Variants in FMN2 observed in about 807,000 individuals in gnomAD.
The protein encoded by FMN2 is formin-2.
FMN2 carries 51 observed loss-of-function variants against 142.3 expected under a neutral mutation model. That is an observed-to-expected ratio of 0.36 (90% CI 0.29 to 0.45). The LOEUF (loss-of-function observed/expected upper bound fraction) is 0.45, where lower values mean the gene tolerates loss of function less well. Ranked by LOEUF, FMN2 falls within the 20% of genes least tolerant of loss-of-function variation. FMN2 has a pLI of 1.00. For synonymous variants in FMN2, 882 were observed against 869.8 expected, an observed-to-expected ratio of 1.01 and a Z score of -0.25; for missense variants, 1,936 against 2,122.8, an observed-to-expected ratio of 0.91 and a Z score of 1.73.
At chr1:240,200,283 T>C (rs542374878) in intron 4 of FMN2, among the ~76,000 whole-genome samples, 6 of 152,306 alleles carry the variant, frequency 3.9e-5, no homozygotes, top group Admixed American at 1.3e-4. Context: ...AATGGCCCTT[T>C]TTCCTGATAA....
chr1:240,455,750 T>C (rs1385028410), intron 16 of FMN2, among the ~76,000 whole-genome samples: 1 of 151,728 alleles, frequency 6.6e-6, no homozygotes, highest in Non-Finnish European at 1.5e-5. Flanking sequence ...CTGAGGAGGG[T>C]GGAGCACCTG....
rs150270666 is a variant in FMN2 at position 240,269,402 on chromosome 1, T to C, written c.4153+11370T>C. On this transcript the variant is annotated intron_variant, in intron 7 of 17. Transcript: ENST00000319653. ...CACTCCATTCTATTCCACTGGACGA[T>C]GTGTCTATTTTTATGCCACCACCAT... 7.9e-5 allele frequency among the ~76,000 whole-genome samples: 12 copies of C among 152,202 alleles called. No homozygotes were observed. In the East Asian group the frequency reaches 2.3e-3, roughly 29 times the overall value.
At chr1:240,409,751 A>T (rs1009094142) in intron 15 of FMN2, among the ~76,000 whole-genome samples, 14 of 152,314 alleles carry the variant, frequency 9.2e-5, no homozygotes, top group African/African-American at 2.9e-4. Flanking sequence ...AACAATAAGG[A>T]AAATAGCAAG....
Position 240,092,900 on chromosome 1 carries a change from C to A in FMN2, c.791C>A (p.Pro264Gln). 1 of 1,501,146 alleles carries A rather than the reference C, an allele frequency of 6.7e-7. No homozygotes were observed. Among genetic ancestry groups the A allele is most frequent in the Non-Finnish European group, 8.8e-7 (1 of 1,133,312 alleles). 93.0% of individuals were successfully genotyped at this position (1,501,146 alleles called of 1,614,324 possible). Residue 264 changes from proline (P) to glutamine (Q), a missense_variant, in exon 1 of 18, where the codon CCG becomes CAG. By Grantham distance (76) the Pro-to-Gln change is moderately conservative. Transcript: ENST00000319653. ...CCGAGCGGCGGGGCTGGGGAGGCCC[C>A]GGGCAGTCCGGACACCGAGCAGGCG... ...LGPSGGAGEA[P>Q]GSPDTEQALS...
chr1:240,469,675 C>T (rs1006631530), intron 16 of FMN2, among the ~76,000 whole-genome samples: 4 of 152,176 alleles, frequency 2.6e-5, no homozygotes, highest in African/African-American at 9.7e-5. Context: ...GCTCGGCAGT[C>T]GCTTACTCCA....
intron 4 of FMN2, among the ~76,000 whole-genome samples, chr1:240,193,630 GAGAGGCAGCT>G (rs1665800603): frequency 6.6e-6 from 1 of 152,260 alleles, no homozygotes; most frequent in Non-Finnish European, 1.5e-5. Flanking sequence ...CAGGTGACCT[GAGAGGCAGCT>G]CAGCTGGCAG....
chr1:240,129,087 TG>T (rs1438928222), intron 2 of FMN2, among the ~76,000 whole-genome samples: 1 of 152,132 alleles, frequency 6.6e-6, no homozygotes, highest in Non-Finnish European at 1.5e-5. Context: ...TTGGCCACCC[TG>T]GTCTTGAACT....
intron 8 of FMN2, among the ~76,000 whole-genome samples, chr1:240,313,117 ACCCTTT>A (rs1670650276): frequency 6.6e-6 from 1 of 152,138 alleles, no homozygotes; most frequent in Non-Finnish European, 1.5e-5. Flanking sequence ...GTTACCACTT[ACCCTTT>A]CTTTTGGGAG....
chr1:240,455,358 A>T (rs562849045), intron 16 of FMN2, among the ~76,000 whole-genome samples: 1 of 152,152 alleles, frequency 6.6e-6, no homozygotes, highest in African/African-American at 2.4e-5. Context: ...TACAAAAAAT[A>T]AAATAAAAAG....
intron 13 of FMN2, among the ~76,000 whole-genome samples, chr1:240,351,706 G>T (rs1672101652): frequency 6.6e-6 from 1 of 152,136 alleles, no homozygotes; most frequent in Admixed American, 6.6e-5. Flanking sequence ...GAGGATGGTT[G>T]TCACCATGTA....
intron 1 of FMN2, among the ~76,000 whole-genome samples, chr1:240,095,871 T>C (rs1661179869): frequency 6.6e-6 from 1 of 152,172 alleles, no homozygotes; most frequent in South Asian, 2.1e-4. Context: ...CTCCAGGTGA[T>C]TTGTTTTTTA....
intron 4 of FMN2, among the ~76,000 whole-genome samples, chr1:240,204,405 G>C (rs1168720989): frequency 6.6e-6 from 1 of 152,158 alleles, no homozygotes; most frequent in African/African-American, 2.4e-5. Context: ...TTCGAGGCCA[G>C]CCTGGGCAAT....
intron 2 of FMN2, among the ~76,000 whole-genome samples, chr1:240,148,654 G>C (rs962128540): frequency 4.6e-5 from 7 of 152,122 alleles, no homozygotes; most frequent in African/African-American, 1.2e-4. Context: ...GTAAAATGCA[G>C]ATGTTCATAC....
At chr1:240,095,620 G>A (rs192553448) in intron 1 of FMN2, among the ~76,000 whole-genome samples, 7 of 152,086 alleles carry the variant, frequency 4.6e-5, no homozygotes, top group South Asian at 2.1e-4. Flanking sequence ...GGAACATCAC[G>A]GATGCAGTGG....
chr1:240,262,622 T>C (rs979814065), intron 7 of FMN2, among the ~76,000 whole-genome samples: 1 of 152,136 alleles, frequency 6.6e-6, no homozygotes, highest in Non-Finnish European at 1.5e-5. Context: ...CAAAAGAATT[T>C]GCAATTCCAT....
intron 7 of FMN2, among the ~76,000 whole-genome samples, chr1:240,277,779 C>CCCGT (rs1273066992): frequency 1.3e-5 from 2 of 151,982 alleles, no homozygotes; most frequent in East Asian, 3.9e-4. Flanking sequence ...AAGTGATCCG[C>CCCGT]CCGTCTTGGC....
At chr1:240,438,542 A>G (rs368533853) in intron 16 of FMN2, among the ~76,000 whole-genome samples, 27 of 152,364 alleles carry the variant, frequency 1.8e-4, no homozygotes, top group African/African-American at 5.8e-4. Context: ...CACGCACTTC[A>G]AAGAACAGAT....
chr1:240,359,317 C>G (rs1672383620), intron 14 of FMN2, among the ~76,000 whole-genome samples: 1 of 152,182 alleles, frequency 6.6e-6, no homozygotes, highest in Non-Finnish European at 1.5e-5. Context: ...ACATCAGCCT[C>G]TGTGCTTAGA....
chr1:240,123,593 G>A (rs1205084265), intron 2 of FMN2, among the ~76,000 whole-genome samples: 3 of 151,358 alleles, frequency 2.0e-5, no homozygotes, highest in Non-Finnish European at 2.9e-5. Flanking sequence ...TCACTCAAGA[G>A]TTCTCTAGCC....
Sources: gnomAD v4.1 joint callset for allele counts (sites outside exome capture counted in the v4.1 genomes callset) on GRCh38, gnomAD v4.1.1 for gene constraint, MANE v1.5 for transcripts, NCBI Gene and HGNC (gene_info 2026-07-23, HGNC 2026-07-21) for gene names.